ANKRD30B: variants seen among roughly 807,000 people sequenced by gnomAD.
ANKRD30B encodes ankyrin repeat domain-containing protein 30B.
In ANKRD30B, 144 loss-of-function variants were observed where a neutral mutation model predicts 202.2. The observed-to-expected ratio is 0.71, with a 90% CI of 0.62 to 0.82. The LOEUF is 0.82. ANKRD30B is among the 40% of genes least tolerant of loss of function. The pLI is 0.00. For synonymous variants in ANKRD30B, 508 were observed against 561.3 expected (o/e 0.91, Z 1.34); for missense variants, 1,487 against 1,669.1 (o/e 0.89, Z 1.90).
At chr18:14,905,992 T>G in the ANKRD30B span, 1 of 152,146 alleles carries the variant, frequency 6.6e-6, no homozygotes, top group Non-Finnish European at 1.5e-5. Context: ...TATGATTTGC[T>G]TGGCCCTGAA....
chr18:14,936,811 G>A, the ANKRD30B span, among the ~76,000 whole-genome samples: 3 of 152,224 alleles, frequency 2.0e-5, no homozygotes, highest in Non-Finnish European at 4.4e-5. Context: ...ATTTTTCAGA[G>A]AACAGACACA....
At chr18:14,754,061 G>A (rs531891618) in intron 3 of ANKRD30B, among the ~76,000 whole-genome samples, 6 of 152,158 alleles carry the variant, frequency 3.9e-5, no homozygotes, top group East Asian at 1.9e-4. Context: ...TCTAATAGCC[G>A]AGAAAAAATT....
chr18:14,909,237 G>T, the ANKRD30B span, among the ~76,000 whole-genome samples: 1 of 152,178 alleles, frequency 6.6e-6, no homozygotes, highest in African/African-American at 2.4e-5. Flanking sequence ...CTTGTTAAGG[G>T]TGTCCCTGTT....
At chr18:14,940,460 G>C in the ANKRD30B span, among the ~76,000 whole-genome samples, 16 of 152,190 alleles carry the variant, frequency 1.1e-4, no homozygotes, top group African/African-American at 3.9e-4. Flanking sequence ...AGCAAGTCAG[G>C]CATGTGGGAA....
rs1458361192 is a variant in ANKRD30B, at chr18:14,754,951, T to C, written c.563T>C (p.Val188Ala). Reference sequence around the variant, plus strand: ...ATACAGAAAAGAAGCAAGCAAACTGTGGAATTTTTACTAACAAAAAATGCA... The same window carrying C: ...ATACAGAAAAGAAGCAAGCAAACTGCGGAATTTTTACTAACAAAAAATGCA... ...LAIQKRSKQT[V>A]EFLLTKNANA... Residue 188 changes from valine to alanine, a missense_variant, in exon 4 of 44, where the codon GTG (valine) becomes GCG (alanine). By Grantham distance (64) the Val-to-Ala change is moderately conservative. This residue lies in a region of ANKRD30B where 889 missense variants were observed against 841.4 expected (regional missense o/e 1.06). Coordinates refer to ENST00000690538, the MANE Select transcript of ANKRD30B (RefSeq NM_001367607.2). The C allele has an allele frequency of 1.9e-6, 3 of 1,558,622 alleles. No individual in the cohort carries two copies. Among genetic ancestry groups the C allele is most frequent in the Non-Finnish European group, 2.6e-6 (3 of 1,150,918 alleles).
chr18:14,831,417 T>A lies in ANKRD30B; in HGVS notation c.2809T>A (p.Ser937Thr). Reference protein sequence around the residue: ...FGKPTTENSQSTKVEEDFNLT... With the variant: ...FGKPTTENSQTTKVEEDFNLT... ...CAAACCGACTACTGAAAATTCACAG[T>A]CTACAAAAGTTGAGGAAGACTTTAA... Residue 937 changes from serine (S) to threonine (T), a missense_variant, in exon 34 of 44, where the codon TCT becomes ACT. Physicochemically the swap from Ser to Thr is moderately conservative, Grantham distance 58 (BLOSUM62 1). Around this residue, in one of 6 missense-constraint regions of ANKRD30B, gnomAD observed 218 missense variants for 320.1 expected, o/e 0.68. Coordinates refer to ENST00000690538, the MANE Select transcript of ANKRD30B (RefSeq NM_001367607.2). 1 of 1,533,972 alleles carries A rather than the reference T, an allele frequency of 6.5e-7. No individual in the cohort carries two copies.
intron 39 of ANKRD30B, among the ~76,000 whole-genome samples, chr18:14,843,551 TTCTGTGTGTGTG>T (rs1971507216): frequency 2.1e-5 from 1 of 47,550 alleles, no homozygotes; most frequent in African/African-American, 7.1e-5. Flanking sequence ...TTAGCTTACT[TTCTGTGTGTGTG>T]TGTGTGTGTG....
intron 20 of ANKRD30B, 65 bp from the exon 21 acceptor site, chr18:14,799,036 A>G (rs868585050): frequency 2.2e-5 from 31 of 1,399,734 alleles, no homozygotes; most frequent in Non-Finnish European, 2.9e-5. Flanking sequence ...TTCACACTCT[A>G]TGAACGTTTG....
chr18:14,799,580 A>C (rs1969180230), intron 22 of ANKRD30B, among the ~76,000 whole-genome samples: 1 of 152,114 alleles, frequency 6.6e-6, no homozygotes, highest in African/African-American at 2.4e-5. Context: ...GTTTTAAGGC[A>C]GGTGAATTTT....
chr18:14,829,513 A>T (rs1041788077), intron 33 of ANKRD30B, among the ~76,000 whole-genome samples: 22 of 152,180 alleles, frequency 1.4e-4, no homozygotes, highest in African/African-American at 5.3e-4. Context: ...GGAAAGGCCA[A>T]GTTTGAAGAG....
At chr18:14,789,776 C>G (rs1293859167) in intron 15 of ANKRD30B, among the ~76,000 whole-genome samples, 3 of 152,174 alleles carry the variant, frequency 2.0e-5, no homozygotes, top group African/African-American at 7.2e-5. Flanking sequence ...CAGTACCACG[C>G]TGTTTTGGTC....
intron 24 of ANKRD30B, among the ~76,000 whole-genome samples, chr18:14,805,987 G>A (rs1432681870): frequency 1.1e-4 from 17 of 150,594 alleles, no homozygotes; most frequent in African/African-American, 2.7e-4. Context: ...TTGGGAGGCC[G>A]AGGCGGGCAG....
chr18:14,767,551 A>G (rs764232748), intron 7 of ANKRD30B, among the ~76,000 whole-genome samples: 1 of 152,122 alleles, frequency 6.6e-6, no homozygotes, highest in African/African-American at 2.4e-5. Context: ...GATGAGATGA[A>G]GTCAGGTGAA....
the ANKRD30B span, among the ~76,000 whole-genome samples, chr18:14,925,386 G>A: frequency 0.013 from 2,037 of 152,284 alleles, 156 homozygotes; most frequent in East Asian, 0.22. Flanking sequence ...TTGATGTGCT[G>A]TTCAGATGCA....
At chr18:14,875,902 C>T in the ANKRD30B span, among the ~76,000 whole-genome samples, 1,542 of 152,230 alleles carry the variant, frequency 0.01, 23 homozygotes, top group African/African-American at 0.035. Flanking sequence ...ATTCTTGCTT[C>T]CCAGGGCTAT....
the ANKRD30B span, among the ~76,000 whole-genome samples, chr18:14,899,701 G>A: frequency 1.3e-4 from 20 of 152,092 alleles, no homozygotes; most frequent in Non-Finnish European, 2.8e-4. Flanking sequence ...TAGGACTGTA[G>A]TGACCTGAAG....
chr18:14,849,399 A>G (rs953951560), intron 40 of ANKRD30B, among the ~76,000 whole-genome samples: 2 of 151,762 alleles, frequency 1.3e-5, no homozygotes, highest in African/African-American at 2.4e-5. Context: ...CAACAAAGAC[A>G]GTGTGAAACG....
chr18:14,885,295 A>T, the ANKRD30B span, among the ~76,000 whole-genome samples: 1 of 152,084 alleles, frequency 6.6e-6, no homozygotes, highest in Non-Finnish European at 1.5e-5. Flanking sequence ...TGTATCATTC[A>T]TGCTCAAGTA....
At chr18:14,804,560 G>C (rs149399360) in intron 24 of ANKRD30B, among the ~76,000 whole-genome samples, 1,740 of 150,794 alleles carry the variant, frequency 0.012, 89 homozygotes, top group African/African-American at 0.039. Context: ...GCTGGTGGTC[G>C]TTGGACCTTG....
Sources: allele counts gnomAD v4.1 joint callset (sites outside exome capture counted in the v4.1 genomes callset), GRCh38; gene constraint gnomAD v4.1.1; regional missense constraint gnomAD v4.1.1; transcripts MANE v1.5; gene names NCBI Gene and HGNC (gene_info 2026-07-23, HGNC 2026-07-21).